The following PLPPR1 variants were observed in gnomAD, a reference collection of about 807,000 sequenced individuals.
PLPPR1 encodes phospholipid phosphatase related 1.
In PLPPR1, 10 loss-of-function variants were observed where a neutral mutation model predicts 33.1. The ratio of observed to expected loss-of-function variants is 0.30; its 90% CI spans 0.19 to 0.51. The LOEUF (loss-of-function observed/expected upper bound fraction) is 0.51, where lower values mean the gene tolerates loss of function less well. PLPPR1 is among the 20% of genes least tolerant of loss of function. The pLI is 0.97. For synonymous variants in PLPPR1, 151 were observed against 151.0 expected, an observed-to-expected ratio of 1.00 and a Z score of 0.00; for missense variants, 304 against 408.1, an observed-to-expected ratio of 0.74 and a Z score of 2.20.
chr9:101,144,227 G>A (rs1378019014), intron 1 of PLPPR1, among the ~76,000 whole-genome samples: 1 of 152,084 alleles, frequency 6.6e-6, no homozygotes, highest in Non-Finnish European at 1.5e-5. Flanking sequence ...GAGAACACCT[G>A]GATACAGGGT....
At chr9:101,283,479 A>C (rs13289265) in intron 3 of PLPPR1, among the ~76,000 whole-genome samples, 22,574 of 152,170 alleles carry the variant, frequency 0.15, 2,208 homozygotes, top group African/African-American at 0.28. Flanking sequence ...TAAAATTAAG[A>C]CTTTATCTCA....
intron 4 of PLPPR1, among the ~76,000 whole-genome samples, chr9:101,297,085 T>C (rs1828659962): frequency 6.6e-6 from 1 of 152,216 alleles, no homozygotes; most frequent in Non-Finnish European, 1.5e-5. Flanking sequence ...CACTAAAAAT[T>C]AGCTGTTGTC....
chr9:101,319,689 G>A (rs190550438), intron 7 of PLPPR1, among the ~76,000 whole-genome samples: 67 of 152,242 alleles, frequency 4.4e-4, no homozygotes, highest in East Asian at 9.6e-4. Flanking sequence ...GCTAAATAGC[G>A]ATACCCTGTA....
At chr9:101,030,711 T>TA (rs1829934837) in intron 1 of PLPPR1, among the ~76,000 whole-genome samples, 1 of 151,982 alleles carries the variant, frequency 6.6e-6, no homozygotes. Flanking sequence ...ATCCAGTACT[T>TA]ATGCCTGCTG....
chr9:101,127,529 C>T (rs1031789064), intron 1 of PLPPR1, among the ~76,000 whole-genome samples: 1 of 152,184 alleles, frequency 6.6e-6, no homozygotes, highest in Admixed American at 6.5e-5. Context: ...GATGGTTTAG[C>T]ATTAGCTCTG....
intron 2 of PLPPR1, among the ~76,000 whole-genome samples, chr9:101,264,692 C>T (rs78128407): frequency 0.017 from 2,517 of 152,190 alleles, 63 homozygotes; most frequent in African/African-American, 0.058. Flanking sequence ...AGCTCATGGC[C>T]GAACCAGAAT....
At chr9:101,123,622 T>G (rs1831203674) in intron 1 of PLPPR1, among the ~76,000 whole-genome samples, 2 of 152,098 alleles carry the variant, frequency 1.3e-5, no homozygotes, top group Non-Finnish European at 2.9e-5. Context: ...AAATAGGTGG[T>G]GAGAATGTGG....
At chr9:101,057,975 G>A in intron 1 of PLPPR1, among the ~76,000 whole-genome samples, 1 of 152,040 alleles carries the variant, frequency 6.6e-6, no homozygotes, top group African/African-American at 2.4e-5. Flanking sequence ...TGGCTTTTGT[G>A]AAACATCTAC....
intron 1 of PLPPR1, among the ~76,000 whole-genome samples, chr9:101,133,138 A>T (rs149008757): frequency 6.6e-6 from 1 of 152,208 alleles, no homozygotes; most frequent in Non-Finnish European, 1.5e-5. Context: ...CCATATATAG[A>T]ATTTTCCCCA....
At chr9:101,138,954 A>C (rs539668817) in intron 1 of PLPPR1, among the ~76,000 whole-genome samples, 4 of 152,270 alleles carry the variant, frequency 2.6e-5, no homozygotes, top group Admixed American at 2.6e-4. Flanking sequence ...AATGGGACAT[A>C]GTTGTCTTTT....
intron 1 of PLPPR1, among the ~76,000 whole-genome samples, chr9:101,076,009 C>T (rs1234418799): frequency 5.3e-5 from 8 of 152,140 alleles, no homozygotes; most frequent in Non-Finnish European, 1.0e-4. Flanking sequence ...AAGGGGCACG[C>T]GGGAGAGTGT....
rs191120204 is a variant in PLPPR1, at chr9:101,057,061, G to C, written c.-46+27959G>C. Among the ~76,000 whole-genome samples, 53 of 152,254 alleles carry C rather than the reference G, an allele frequency of 3.5e-4. 1 individual carries two copies. Among genetic ancestry groups the C allele is most frequent in the African/African-American group, 1.3e-3 (52 of 41,558 alleles). On this transcript the variant is annotated intron_variant, in intron 1 of 7. Transcript: ENST00000374874. ...CAAACATACCTAATGCATGAAGCCT[G>C]CCAGTGTTTATGTTGTTCTGCCCAC...
chr9:101,036,074 G>A (rs969745324), intron 1 of PLPPR1, among the ~76,000 whole-genome samples: 8 of 152,100 alleles, frequency 5.3e-5, no homozygotes, highest in African/African-American at 7.2e-5. Context: ...GTTGCATTAC[G>A]ATTTTTTTAA....
At chr9:101,272,700 T>A (rs563624961) in intron 3 of PLPPR1, among the ~76,000 whole-genome samples, 1 of 152,292 alleles carries the variant, frequency 6.6e-6, no homozygotes, top group East Asian at 1.9e-4. Flanking sequence ...TCTAAATTCA[T>A]CACTAACCAA....
chr9:101,266,928 G>GA (rs1828009252), intron 2 of PLPPR1, among the ~76,000 whole-genome samples: 1 of 152,160 alleles, frequency 6.6e-6, no homozygotes, highest in Admixed American at 6.6e-5. Flanking sequence ...TCCTACGAAA[G>GA]AGGAAGCTAG....
intron 1 of PLPPR1, among the ~76,000 whole-genome samples, chr9:101,088,786 A>T (rs1175411510): frequency 6.6e-6 from 1 of 152,192 alleles, no homozygotes. Flanking sequence ...TTCAGCTGTC[A>T]TTTATCTTAT....
chr9:101,119,546 T>G (rs193050315), intron 1 of PLPPR1, among the ~76,000 whole-genome samples: 3 of 152,322 alleles, frequency 2.0e-5, no homozygotes, highest in Admixed American at 2.0e-4. Flanking sequence ...AACCAATAGA[T>G]TCTTCGGAGA....
chr9:101,281,709 A>G (rs1828308039), intron 3 of PLPPR1, among the ~76,000 whole-genome samples: 1 of 152,136 alleles, frequency 6.6e-6, no homozygotes, highest in Admixed American at 6.6e-5. Context: ...AAGAAAAAAG[A>G]GAAGATTCAA....
chr9:101,221,810 T>C (rs1465646891), intron 2 of PLPPR1, among the ~76,000 whole-genome samples: 1 of 152,180 alleles, frequency 6.6e-6, no homozygotes, highest in East Asian at 1.9e-4. Context: ...ACAGAGAATA[T>C]ACATTTGCTA....
Sources: allele counts gnomAD v4.1 joint callset (sites outside exome capture counted in the v4.1 genomes callset), GRCh38; gene constraint gnomAD v4.1.1; transcripts MANE v1.5; gene names NCBI Gene and HGNC (gene_info 2026-07-23, HGNC 2026-07-21).